The following GBF1 variants were observed in gnomAD, a reference collection of about 807,000 sequenced individuals.
GBF1 encodes the protein Golgi-specific brefeldin A-resistance guanine nucleotide exchange factor 1.
In GBF1, 114 loss-of-function variants were observed where a neutral mutation model predicts 210.5. The observed-to-expected ratio is 0.54, with a 90% CI of 0.47 to 0.63. The LOEUF (loss-of-function observed/expected upper bound fraction) is 0.63, where lower values mean the gene tolerates loss of function less well. Among genes scored for constraint, GBF1 ranks in the 30% least tolerant of loss-of-function variants. The pLI, the probability that GBF1 is intolerant of heterozygous loss-of-function variation, is 0.00. For missense variants in GBF1, 1,851 were observed against 2,357.7 expected, an observed-to-expected ratio of 0.79 and a Z score of 4.45; for synonymous variants, 850 against 889.2, an observed-to-expected ratio of 0.96 and a Z score of 0.78.
At chr10:102,291,011 G>C (rs968868814) in intron 3 of GBF1, among the ~76,000 whole-genome samples, 1 of 152,122 alleles carries the variant, frequency 6.6e-6, no homozygotes, top group Non-Finnish European at 1.5e-5. Context: ...TTTTCCTATT[G>C]AATTATCTGT....
chr10:102,270,177 CT>C (rs1318079485), intron 3 of GBF1, among the ~76,000 whole-genome samples: 9 of 146,764 alleles, frequency 6.1e-5, no homozygotes, highest in Non-Finnish European at 7.5e-5. Flanking sequence ...TGCACCCGGC[CT>C]TTTTTTTTTG....
chr10:102,362,709 A>G (rs777272705), intron 15 of GBF1, 45 bp downstream of exon 15: 1 of 1,458,122 alleles, frequency 6.9e-7, no homozygotes, highest in Non-Finnish European at 9.6e-7. Flanking sequence ...TTCTATGCTT[A>G]TCCCTTCTCT....
At chr10:102,288,439 C>T (rs1403634789) in intron 3 of GBF1, among the ~76,000 whole-genome samples, 1 of 152,136 alleles carries the variant, frequency 6.6e-6, no homozygotes, top group African/African-American at 2.4e-5. Context: ...CGGCCGGGCG[C>T]GGTGGCTCAC....
intron 3 of GBF1, among the ~76,000 whole-genome samples, chr10:102,288,681 G>A (rs540073523): frequency 7.8e-5 from 11 of 141,142 alleles, no homozygotes; most frequent in Non-Finnish European, 1.1e-4. Flanking sequence ...ACTGCAGTCC[G>A]CAGTCCGGCC....
At chr10:102,311,752 C>T (rs1391489523) in intron 3 of GBF1, among the ~76,000 whole-genome samples, 1 of 152,176 alleles carries the variant, frequency 6.6e-6, no homozygotes, top group Non-Finnish European at 1.5e-5. Context: ...ATCAACTATT[C>T]CTATGCCCCA....
intron 3 of GBF1, among the ~76,000 whole-genome samples, chr10:102,290,957 T>A (rs773055703): frequency 8.5e-5 from 13 of 152,258 alleles, no homozygotes; most frequent in Non-Finnish European, 1.8e-4. Context: ...GTTTCACATT[T>A]CTTTAATTAC....
chr10:102,282,870 G>A (rs1184280494), intron 3 of GBF1, among the ~76,000 whole-genome samples: 13 of 152,242 alleles, frequency 8.5e-5, no homozygotes, highest in Non-Finnish European at 1.0e-4. Context: ...CAGAACTGCA[G>A]TGCTAAGAGA....
intron 31 of GBF1, 64 bp downstream of exon 31, chr10:102,376,496 C>A: frequency 6.2e-7 from 1 of 1,610,720 alleles, no homozygotes; most frequent in Admixed American, 1.7e-5. Context: ...AATTCCTGGT[C>A]CTCTGCAAGG....
In GBF1 at chr10:102,363,805, A is replaced by G. The variant is rs758230384; in HGVS notation, c.2106+7A>G. On this transcript the variant is annotated splice_region_variant and intron_variant, in intron 17 of 39. Transcript: ENST00000369983. The surrounding 1 kb of genome is among the most constrained non-coding windows in gnomAD (Gnocchi z 4.2). Reference sequence around the variant, plus strand: ...AATTAAAAACAAAAAGAAGGTACATACATGTATTCCCCAGCCTCTGTCCAC... The same window carrying G: ...AATTAAAAACAAAAAGAAGGTACATGCATGTATTCCCCAGCCTCTGTCCAC... 7.3e-6 allele frequency: 11 copies of G among 1,514,786 alleles called. No homozygotes were observed. The South Asian group carries it at 1.0e-4, about 14-fold the overall frequency. The allele number at this position is 1,514,786 out of a possible 1,614,324, so 93.8% of individuals were successfully genotyped here. A position where few individuals can be genotyped will look rare whatever the true frequency, so the allele number is the denominator to read the frequency against.
rs1470698787 is a variant in GBF1, at chr10:102,351,258, C to T, written c.298C>T (p.Pro100Ser). ...TCTTTCCTTTTTCGCTGGAGCAGAT[C>T]CCACCCATGAGGGCACAGCAGAGGG... ...NKFLSYALID[P>S]THEGTAEGME... The change falls in exon 5 of 40, where the codon CCC becomes TCC. Residue 100 changes from proline (P) to serine (S), a missense_variant and splice_region_variant. This residue lies in a region of GBF1 where 804 missense variants were observed against 958.6 expected (regional missense o/e 0.84). Transcript: ENST00000369983. 1 of 1,550,060 alleles carries T rather than the reference C, an allele frequency of 6.5e-7. No individual in the cohort carries two copies. Among genetic ancestry groups the T allele is most frequent in the Non-Finnish European group, 8.9e-7 (1 of 1,121,564 alleles).
At chr10:102,231,058 C>T in the GBF1 span, 1 of 1,574,024 alleles carries the variant, frequency 6.4e-7, no homozygotes, top group Non-Finnish European at 8.6e-7. Context: ...CTGCTGGCTG[C>T]GCTCGCGCTT....
intron 3 of GBF1, among the ~76,000 whole-genome samples, chr10:102,323,239 G>GAAAAAAAAA (rs775888621): frequency 6.1e-4 from 40 of 65,706 alleles, no homozygotes; most frequent in Non-Finnish European, 7.5e-4. Context: ...CTCCAAAATT[G>GAAAAAAAAA]AAAAAAAAAA....
At chr10:102,351,805 C>A in intron 5 of GBF1, 38 bp from the exon 6 acceptor site, 1 of 1,198,190 alleles carries the variant, frequency 8.3e-7, no homozygotes, top group Non-Finnish European at 1.3e-6. Flanking sequence ...CCTCTCAGTA[C>A]CTTGTTTATC....
chr10:102,286,194 GTTTTTTTTTT>G (rs55904022), intron 3 of GBF1, among the ~76,000 whole-genome samples: 65 of 126,372 alleles, frequency 5.1e-4, no homozygotes, highest in Admixed American at 4.3e-3. Flanking sequence ...AAGCATAAGG[GTTTTTTTTTT>G]TTTTTTTTTT....
chr10:102,382,214 G>A lies in GBF1; in HGVS notation c.5461G>A (p.Gly1821Ser). ...GCCCTTGGCCTCCCCACTGCAGGTG[G>A]GCGTGCCACCTATGACTCTGCCCAT... is the stretch of plus-strand genomic sequence containing the variant. ...LQPLASPLQV[G>S]VPPMTLPIIL... is the part of the protein sequence containing the mutation. Residue 1821 changes from glycine to serine, a missense_variant, in exon 40 of 40, where the codon GGC becomes AGC. Coordinates refer to ENST00000369983, the MANE Select transcript of GBF1 (RefSeq NM_001377137.1). 6.2e-7 allele frequency: 1 copy of A among 1,614,068 alleles called. No individual in the cohort carries two copies.
At chr10:102,314,231 A>C (rs2078735792) in intron 3 of GBF1, among the ~76,000 whole-genome samples, 1 of 145,500 alleles carries the variant, frequency 6.9e-6, no homozygotes, top group African/African-American at 2.6e-5. Flanking sequence ...CTGCAGCCTC[A>C]ACCTCCTGGG....
intron 1 of GBF1, among the ~76,000 whole-genome samples, chr10:102,258,356 A>C (rs985523768): frequency 6.6e-6 from 1 of 150,516 alleles, no homozygotes; most frequent in East Asian, 2.0e-4. Flanking sequence ...GGGTTTCTCC[A>C]TGTTGGTCAG....
intron 3 of GBF1, among the ~76,000 whole-genome samples, chr10:102,308,103 G>A (rs1447933641): frequency 2.0e-5 from 3 of 149,184 alleles, no homozygotes; most frequent in Non-Finnish European, 3.0e-5. Flanking sequence ...TGATTTGCCA[G>A]CAATTACATT....
the GBF1 span, chr10:102,231,512 G>T: frequency 1.0e-6 from 1 of 997,224 alleles, no homozygotes; most frequent in South Asian, 1.4e-5. Context: ...AGGTGGGGTG[G>T]AACCGCTGGC....
Sources: allele counts gnomAD v4.1 joint callset (sites outside exome capture counted in the v4.1 genomes callset), GRCh38; gene constraint gnomAD v4.1.1; regional missense constraint gnomAD v4.1.1; non-coding constraint Gnocchi (gnomAD v3.1); transcripts MANE v1.5; gene names NCBI Gene and HGNC (gene_info 2026-07-23, HGNC 2026-07-21).